The following TPST1 variants were observed in gnomAD, a reference collection of about 807,000 sequenced individuals.
The protein encoded by TPST1 is tyrosylprotein sulfotransferase 1.
Under a neutral mutation model 34.8 loss-of-function variants are expected in TPST1, and 20 were observed. The observed-to-expected ratio is 0.57, with a 90% CI of 0.40 to 0.84. The LOEUF is 0.84. Among genes scored for constraint, TPST1 ranks in the 40% least tolerant of loss-of-function variants. TPST1 has a pLI of 0.00. For synonymous variants in TPST1, 152 were observed against 159.4 expected (o/e 0.95, Z 0.35); for missense variants, 353 against 455.5 (o/e 0.78, Z 2.05).
At chr7:66,215,531 C>T (rs552182500) in intron 1 of TPST1, among the ~76,000 whole-genome samples, 7 of 150,730 alleles carry the variant, frequency 4.6e-5, no homozygotes, top group Non-Finnish European at 8.9e-5. Flanking sequence ...CCTGCCACCA[C>T]GCCCAGCTAA....
At chr7:66,199,217 T>TGTCAATCC in the TPST1 span, among the ~76,000 whole-genome samples, 1 of 151,946 alleles carries the variant, frequency 6.6e-6, no homozygotes, top group Non-Finnish European at 1.5e-5. Flanking sequence ...ATTCATTACC[T>TGTCAATCC]GTCCATCCGT....
chr7:66,331,878 A>G (rs1792001457), intron 3 of TPST1, among the ~76,000 whole-genome samples: 1 of 151,750 alleles, frequency 6.6e-6, no homozygotes, highest in Non-Finnish European at 1.5e-5. Context: ...GAGCACGAAC[A>G]CTTTTGTGAA....
At chr7:66,310,062 A>G (rs1791501273) in intron 3 of TPST1, among the ~76,000 whole-genome samples, 1 of 152,176 alleles carries the variant, frequency 6.6e-6, no homozygotes, top group African/African-American at 2.4e-5. Context: ...TAGCAAAGGT[A>G]GTCTTGAACT....
chr7:66,307,186 C>A (rs1000578747), intron 3 of TPST1, among the ~76,000 whole-genome samples: 1 of 150,308 alleles, frequency 6.7e-6, no homozygotes, highest in African/African-American at 2.5e-5. Context: ...GATGAGATCT[C>A]GGCTCACTGC....
intron 3 of TPST1, among the ~76,000 whole-genome samples, chr7:66,328,407 C>T (rs1193433853): frequency 6.6e-6 from 1 of 152,128 alleles, no homozygotes; most frequent in Non-Finnish European, 1.5e-5. Context: ...GCTGCATTTG[C>T]CCTGCAGCAG....
intron 3 of TPST1, among the ~76,000 whole-genome samples, chr7:66,324,793 T>C (rs1791826121): frequency 1.0e-5 from 1 of 97,362 alleles, no homozygotes; most frequent in Non-Finnish European, 1.9e-5. Flanking sequence ...AGAGTAAGAC[T>C]CTGTCTCAAA....
chr7:66,319,783 A>G (rs1791713270), intron 3 of TPST1, among the ~76,000 whole-genome samples: 2 of 152,372 alleles, frequency 1.3e-5, no homozygotes, highest in South Asian at 2.1e-4. Flanking sequence ...GTGAAAGTCC[A>G]TTGATCCTGT....
In TPST1 at chr7:66,240,680, G is replaced by A; in HGVS notation, c.255G>A (p.Met85Ile). 1 of 1,614,192 alleles carries A rather than the reference G, an allele frequency of 6.2e-7. No homozygotes were observed. The highest frequency in any genetic ancestry group is 8.5e-7 in the Non-Finnish European group (1 of 1,180,042). The change falls in exon 2 of 6, where the codon ATG becomes ATA. Residue 85 changes from methionine to isoleucine, a missense_variant. Met to Ile is a conservative substitution (Grantham distance 10, BLOSUM62 1). Coordinates refer to ENST00000304842, the MANE Select transcript of TPST1 (RefSeq NM_003596.4). The part of the protein sequence containing the change: ...GGVPRSGTTL[M>I]RAMLDAHPDI... ...TGCCTCGGAGTGGAACCACACTCATGAGGGCCATGCTGGACGCACATCCTG... is the reference window on the plus strand; with the variant it reads ...TGCCTCGGAGTGGAACCACACTCATAAGGGCCATGCTGGACGCACATCCTG...
chr7:66,321,389 C>G (rs1161818426), intron 3 of TPST1, among the ~76,000 whole-genome samples: 2 of 152,188 alleles, frequency 1.3e-5, no homozygotes, highest in Non-Finnish European at 2.9e-5. Flanking sequence ...TCCAGATCCC[C>G]AGAGAAAAAG....
At chr7:66,212,336 A>T (rs943887737) in intron 1 of TPST1, among the ~76,000 whole-genome samples, 4 of 152,206 alleles carry the variant, frequency 2.6e-5, no homozygotes, top group African/African-American at 9.6e-5. Context: ...CCCTATACCT[A>T]AATGAATCTC....
At chr7:66,244,472 C>T (rs1482498929) in intron 2 of TPST1, among the ~76,000 whole-genome samples, 2 of 152,166 alleles carry the variant, frequency 1.3e-5, no homozygotes, top group East Asian at 3.9e-4. Context: ...TAGAAATTTC[C>T]AGTTATTTAC....
rs769025708 is a variant in TPST1, at chr7:66,241,105, T to C, written c.680T>C (p.Met227Thr). ...ATAGAGACCATGTATAACCAGTGTA[T>C]GGAGGTTGGTTATAAAAAGTGCATG... ...RAIETMYNQCMEVGYKKCMLV... is the reference protein window; with the variant it reads ...RAIETMYNQCTEVGYKKCMLV... The change falls in exon 2 of 6, where the codon ATG becomes ACG. Residue 227 changes from methionine to threonine, a missense_variant. Met to Thr is a moderately conservative substitution (Grantham distance 81). Transcript: ENST00000304842. 1.2e-6 allele frequency: 2 copies of C among 1,614,200 alleles called. No homozygotes were observed. The highest frequency in any genetic ancestry group is 1.7e-5 in the Admixed American group (1 of 60,028).
rs78152233 is a variant in TPST1, at chr7:66,254,334, A to G, written c.845+13064A>G. 7.3e-3 allele frequency among the ~76,000 whole-genome samples: 1,116 copies of G among 152,208 alleles called. 15 individuals are homozygous for G. Among genetic ancestry groups the G allele is most frequent in the African/African-American group, 0.024 (992 of 41,526 alleles). ...TCATAAAAGTATTGTACTTTATTTG[A>G]TAAGTTTATTATTCAGTACCTTCTT... On this transcript the variant is annotated intron_variant, in intron 2 of 5. Transcript: ENST00000304842.
chr7:66,303,746 G>A (rs1351811556), intron 3 of TPST1, among the ~76,000 whole-genome samples: 1 of 152,070 alleles, frequency 6.6e-6, no homozygotes, highest in Non-Finnish European at 1.5e-5. Context: ...AATAAGTAAA[G>A]ACTTTTCAAG....
upstream of TPST1, among the ~76,000 whole-genome samples, chr7:66,204,947 G>A (rs2116173455): frequency 6.6e-6 from 1 of 152,372 alleles, no homozygotes; most frequent in Admixed American, 6.5e-5. Flanking sequence ...CCTGTCCTAG[G>A]GTTTCACTGA....
rs1791059256 is a variant in TPST1 at position 66,287,083 on chromosome 7, C to A, written c.1044+374C>A. ...TGTGATCTCATTGTTCAATTCCCAC[C>A]TATGAGTGAGAATATGCGGTGTTTG... On this transcript the variant is annotated intron_variant, in intron 3 of 5. Coordinates refer to ENST00000304842, the MANE Select transcript of TPST1 (RefSeq NM_003596.4). Among the ~76,000 whole-genome samples the A allele has an allele frequency of 3.6e-5, 5 of 137,162 alleles. No individual in the cohort carries two copies. In the South Asian group the frequency reaches 1.2e-3, roughly 33 times the overall value. 90.0% of individuals were successfully genotyped at this position (137,162 alleles called of 152,430 possible).
At chr7:66,263,014 C>T (rs562295822) in intron 2 of TPST1, among the ~76,000 whole-genome samples, 3 of 152,038 alleles carry the variant, frequency 2.0e-5, no homozygotes, top group South Asian at 2.1e-4. Flanking sequence ...GTACTAGAAT[C>T]GCTTGAACCT....
At position 66,332,885 on chromosome 7, in the gene TPST1, T is replaced by C. The variant is rs978122987; in HGVS notation, c.1045-19620T>C. ...ACTTGAGCACCTGTGGATTTTGTTATTCACAGGGGATCCTGGAAACAATCC... is the reference window on the plus strand; with the variant it reads ...ACTTGAGCACCTGTGGATTTTGTTACTCACAGGGGATCCTGGAAACAATCC... On this transcript the variant is annotated intron_variant, in intron 3 of 5. Transcript: ENST00000304842. The surrounding 1 kb of genome is among the most constrained non-coding windows in gnomAD (Gnocchi z 4.5). Among the ~76,000 whole-genome samples the C allele has an allele frequency of 5.3e-5, 8 of 152,144 alleles. No homozygotes were observed. The highest frequency in any genetic ancestry group is 1.9e-4 in the African/African-American group (8 of 41,424).
intron 3 of TPST1, among the ~76,000 whole-genome samples, chr7:66,346,016 C>G (rs1415131442): frequency 6.6e-6 from 1 of 150,914 alleles, no homozygotes. Context: ...TTGTTCTACT[C>G]TCTATTTCCA....
Sources: allele counts gnomAD v4.1 joint callset (sites outside exome capture counted in the v4.1 genomes callset), GRCh38; gene constraint gnomAD v4.1.1; non-coding constraint Gnocchi (gnomAD v3.1); transcripts MANE v1.5; gene names NCBI Gene and HGNC (gene_info 2026-07-23, HGNC 2026-07-21).